Variants in A2ML1 observed in about 807,000 individuals in gnomAD.
The protein encoded by A2ML1 is alpha-2-macroglobulin like 1.
A neutral mutation model predicts 181.9 loss-of-function variants in A2ML1; 161 were observed. The ratio of observed to expected loss-of-function variants is 0.89; its 90% CI spans 0.78 to 1.01. The LOEUF (loss-of-function observed/expected upper bound fraction) is 1.01. Among genes scored for constraint, A2ML1 ranks in the 50% least tolerant of loss-of-function variants. A2ML1 has a pLI of 0.00. For synonymous variants in A2ML1, 663 were observed against 666.8 expected (o/e 0.99, Z 0.09); for missense variants, 1,670 against 1,768.1 (o/e 0.94, Z 1.00).
intron 32 of A2ML1, among the ~76,000 whole-genome samples, chr12:8,868,852 G>A (rs1944524366): frequency 6.6e-6 from 1 of 151,938 alleles, no homozygotes; most frequent in Admixed American, 6.6e-5. Context: ...ATATATGTGT[G>A]TGTATACATA....
chr12:8,845,964 G>T, intron 13 of A2ML1, 113 bp from the exon 14 acceptor site: 1 of 1,142,022 alleles, frequency 8.8e-7, no homozygotes, highest in Non-Finnish European at 1.2e-6. Context: ...AAAATGAGAA[G>T]TAACTTGCAC....
At chr12:8,860,129 C>T (rs1002819059) in intron 26 of A2ML1, among the ~76,000 whole-genome samples, 4 of 152,114 alleles carry the variant, frequency 2.6e-5, no homozygotes, top group African/African-American at 7.2e-5. Flanking sequence ...CAGCCTTGAC[C>T]TCCCCGGGCT....
intron 29 of A2ML1, 128 bp downstream of exon 29, chr12:8,864,136 ATATGGAAG>A (rs1944363765): frequency 2.6e-6 from 2 of 755,592 alleles, no homozygotes; most frequent in African/African-American, 3.5e-5. Context: ...TGTGAACAAT[ATATGGAAG>A]TATTCATAAA....
At position 8,863,837 on chromosome 12, in the gene A2ML1, C is replaced by T. The variant is rs760309585; in HGVS notation, c.3546C>T (p.Asn1182=). The change falls in exon 29 of 36, where the codon AAC becomes AAT. Residue 1182 remains asparagine (N), a synonymous_variant. Transcript: ENST00000299698. The part of the protein sequence containing the change: ...YWSQKPTPSS[N]ASPWSEPAAV... Reference sequence around the variant, plus strand: ...GCCAGAAACCTACTCCATCATCGAACGCCAGCCCTTGGTCTGAGCCTGCGG... The same window carrying T: ...GCCAGAAACCTACTCCATCATCGAATGCCAGCCCTTGGTCTGAGCCTGCGG... The T allele has an allele frequency of 1.9e-5, 31 of 1,614,074 alleles. No homozygotes were observed. The East Asian group carries it at 2.9e-4, about 15-fold the overall frequency.
rs764094825 is a variant in A2ML1 at position 8,841,522 on chromosome 12, G to T, written c.1234G>T (p.Asp412Tyr). The change falls in exon 11 of 36, where the codon GAC (aspartate) becomes TAC (tyrosine). Residue 412 changes from aspartate (D) to tyrosine (Y), a missense_variant. Physicochemically the swap from Asp to Tyr is radical, Grantham distance 160. Coordinates refer to ENST00000299698, the MANE Select transcript of A2ML1 (RefSeq NM_144670.6). ...GGAGACATCCGGTTGGAATGGGACAGACGTTTCTCTGGAGGTAAGCATGGA... is the reference window on the plus strand; with the variant it reads ...GGAGACATCCGGTTGGAATGGGACATACGTTTCTCTGGAGGTAAGCATGGA... ...TLETSGWNGT[D>Y]VSLEGKFQME... 5.0e-6 allele frequency: 8 copies of T among 1,613,282 alleles called. No homozygotes were observed. The Admixed American group carries it at 6.7e-5, about 13-fold the overall frequency.
At chr12:8,840,307 C>G (rs7974651) in intron 10 of A2ML1, among the ~76,000 whole-genome samples, 1 of 150,304 alleles carries the variant, frequency 6.7e-6, no homozygotes, top group Admixed American at 6.6e-5. Context: ...GTGCAGTGAG[C>G]TAAGATCATG....
intron 6 of A2ML1, 23 bp from the exon 7 acceptor site, chr12:8,836,232 A>C (rs946045239): frequency 6.2e-7 from 1 of 1,608,952 alleles, no homozygotes; most frequent in Admixed American, 1.7e-5. Context: ...TGCTTTCTCC[A>C]TTTCTCCTTT....
At position 8,841,456 on chromosome 12, in the gene A2ML1, A is replaced by T; in HGVS notation, c.1168A>T (p.Thr390Ser). The change falls in exon 11 of 36, where the codon ACC becomes TCC. Residue 390 changes from threonine (T) to serine (S), a missense_variant. Coordinates refer to ENST00000299698, the MANE Select transcript of A2ML1 (RefSeq NM_144670.6). Reference sequence around the variant, plus strand: ...TGGCACAAATGGAACCTTCAACCAGACCCTGGTTACTGATAACAATGGCCT... The same window carrying T: ...TGGCACAAATGGAACCTTCAACCAGTCCCTGGTTACTGATAACAATGGCCT... ...IYGTNGTFNQTLVTDNNGLAP... is the reference protein window; with the variant it reads ...IYGTNGTFNQSLVTDNNGLAP... The T allele has an allele frequency of 1.2e-6, 2 of 1,613,820 alleles. No individual in the cohort carries two copies. Among genetic ancestry groups the T allele is most frequent in the Non-Finnish European group, 1.7e-6 (2 of 1,179,810 alleles).
chr12:8,851,115 C>T (rs1202696167), intron 18 of A2ML1, among the ~76,000 whole-genome samples: 1 of 152,160 alleles, frequency 6.6e-6, no homozygotes, highest in Non-Finnish European at 1.5e-5. Context: ...CATTGCAGGC[C>T]CTGTGTTCTC....
rs201185025 is a variant in A2ML1 at position 8,823,224 on chromosome 12, C to T, written c.105C>T (p.Ser35=). 697 of 1,613,848 alleles carry T rather than the reference C, an allele frequency of 4.3e-4. No individual in the cohort carries two copies. The highest frequency in any genetic ancestry group is 5.4e-4 in the Non-Finnish European group (643 of 1,179,992). Residue 35 remains serine (S), a synonymous_variant, in exon 2 of 36, where the codon TCC becomes TCT. Coordinates refer to ENST00000299698, the MANE Select transcript of A2ML1 (RefSeq NM_144670.6). ...TACCAGCCCGGCTAAATTTCCCCTC[C>T]GTTCAGAAGGTTTGTTTGGACCTGA... ...VTLPARLNFP[S]VQKVCLDLSP...
chr12:8,868,163 A>G lies in A2ML1; in HGVS notation c.3934-67A>G, dbSNP rs1313441965. The stretch of plus-strand genomic sequence containing the variant: ...TTTCTTTCTCACTTGTAAGAAAAGT[A>G]GTTTGAACTGTACAATCTTTAAAGT... On this transcript the variant is annotated intron_variant, in intron 30 of 35. Coordinates refer to ENST00000299698, the MANE Select transcript of A2ML1 (RefSeq NM_144670.6). The G allele has an allele frequency of 2.5e-6, 4 of 1,610,732 alleles. No homozygotes were observed. In the African/African-American group the frequency reaches 5.4e-5, roughly 22 times the overall value.
downstream of A2ML1, among the ~76,000 whole-genome samples, chr12:8,878,076 G>A (rs1028544501): frequency 6.6e-6 from 1 of 152,094 alleles, no homozygotes. The surrounding 1 kb of genome is among the most constrained non-coding windows in gnomAD (Gnocchi z 4.4). Flanking sequence ...GCCGAGGTGG[G>A]TGGATCACCT....
intron 33 of A2ML1, among the ~76,000 whole-genome samples, chr12:8,871,495 T>C (rs900055267): frequency 6.6e-6 from 1 of 152,134 alleles, no homozygotes; most frequent in Non-Finnish European, 1.5e-5. Context: ...ATTTTTTTGG[T>C]AGAGACAGCG....
Position 8,869,183 on chromosome 12 carries a change from C to T in A2ML1, c.4201C>T (p.Leu1401Phe). 1.2e-6 allele frequency: 2 copies of T among 1,614,076 alleles called. No individual in the cohort carries two copies. Among genetic ancestry groups the T allele is most frequent in the Non-Finnish European group, 8.5e-7 (1 of 1,180,004 alleles). ...VKKVEFGTDT[L>F]NIYLDELIKN... is the part of the protein sequence containing the mutation. The stretch of plus-strand genomic sequence containing the variant: ...GAAGGTTGAATTTGGAACTGACACA[C>T]TTAACATTTACTTGGATGAGGTAGG... Residue 1401 changes from leucine to phenylalanine, a missense_variant, in exon 33 of 36, where the codon CTT (leucine) becomes TTT (phenylalanine). Transcript: ENST00000299698.
At position 8,867,881 on chromosome 12, in the gene A2ML1, A is replaced by T. The variant is rs755469941; in HGVS notation, c.3757A>T (p.Thr1253Ser). Residue 1253 changes from threonine to serine, a missense_variant, in exon 30 of 36, where the codon ACT (threonine) becomes TCT (serine). Coordinates refer to ENST00000299698, the MANE Select transcript of A2ML1 (RefSeq NM_144670.6). Reference sequence around the variant, plus strand: ...TCTCCAAGCTCTTGCCAAATATGCCACTACCGCCTACATGCCATCTGAGGA... The same window carrying T: ...TCTCCAAGCTCTTGCCAAATATGCCTCTACCGCCTACATGCCATCTGAGGA... ...VALQALAKYATTAYMPSEEIN... is the reference protein window; with the variant it reads ...VALQALAKYASTAYMPSEEIN... 2.5e-6 allele frequency: 4 copies of T among 1,613,506 alleles called. No homozygotes were observed. In the African/African-American group the frequency reaches 5.3e-5, roughly 22 times the overall value.
rs1944130190 is a variant in A2ML1, at chr12:8,858,024, T to C, written c.3186T>C (p.Ala1062=). 6.2e-7 allele frequency: 1 copy of C among 1,614,162 alleles called. No homozygotes were observed. Residue 1062 remains alanine (A), a synonymous_variant, in exon 26 of 36, where the codon GCT becomes GCC. Coordinates refer to ENST00000299698, the MANE Select transcript of A2ML1 (RefSeq NM_144670.6). ...IFIDPKNIQD[A]LKWMAGNQLP... is the part of the protein sequence containing the mutation. ...TTGATCCCAAGAACATCCAGGATGC[T>C]CTCAAGTGGATGGCAGGAAACCAGC...
chr12:8,845,000 G>A, intron 12 of A2ML1: 1 of 1,415,312 alleles, frequency 7.1e-7, no homozygotes, highest in Non-Finnish European at 9.2e-7. Flanking sequence ...CCTCTAGAGG[G>A]TTCAATGTCA....
chr12:8,876,136 C>T lies in A2ML1; in HGVS notation c.*80C>T, dbSNP rs1209096459. ...CATTCTTCTGTCGCTTGAAGCAGAA[C>T]TCATTCAATCAAATAATTTAATTTC... On this transcript the variant is annotated 3_prime_UTR_variant, in exon 36 of 36. Transcript: ENST00000299698. 1 of 152,190 alleles carries T rather than the reference C, an allele frequency of 6.6e-6. No individual in the cohort carries two copies. The highest frequency in any genetic ancestry group is 1.5e-5 in the Non-Finnish European group (1 of 68,046). 9.4% of individuals were successfully genotyped at this position (152,190 alleles called of 1,614,324 possible). A position where few individuals can be genotyped will look rare whatever the true frequency, so the allele number is the denominator to read the frequency against.
At chr12:8,863,337 C>T (rs1431120285) in intron 28 of A2ML1, among the ~76,000 whole-genome samples, 1 of 152,114 alleles carries the variant, frequency 6.6e-6, no homozygotes, top group African/African-American at 2.4e-5. Context: ...AACTCCCGAC[C>T]TCAGGTGATC....
Sources: allele counts gnomAD v4.1 joint callset (sites outside exome capture counted in the v4.1 genomes callset), GRCh38; gene constraint gnomAD v4.1.1; non-coding constraint Gnocchi (gnomAD v3.1); transcripts MANE v1.5; gene names NCBI Gene and HGNC (gene_info 2026-07-23, HGNC 2026-07-21).